SHISA9: variants seen among roughly 807,000 people sequenced by gnomAD.
The protein encoded by SHISA9 is shisa family member 9, also known as protein shisa-9.
Under a neutral mutation model 38.0 loss-of-function variants are expected in SHISA9, and 13 were observed. The ratio of observed to expected loss-of-function variants is 0.34; its 90% CI spans 0.22 to 0.54. The LOEUF is 0.54. SHISA9 is among the 20% of genes least tolerant of loss of function. The probability of loss-of-function intolerance (pLI) is 0.91; values close to 1 mark genes in which losing one functional copy is unlikely to be tolerated. For missense variants in SHISA9, 538 were observed against 575.8 expected, an observed-to-expected ratio of 0.93 and a Z score of 0.67; for synonymous variants, 275 against 242.0, an observed-to-expected ratio of 1.14 and a Z score of -1.27.
chr16:13,314,868 T>A, the SHISA9 span, among the ~76,000 whole-genome samples: 1 of 152,178 alleles, frequency 6.6e-6, no homozygotes, highest in Non-Finnish European at 1.5e-5. Context: ...AATTTTCAAT[T>A]ATGCAGGATG....
rs188464452 is a variant in SHISA9, at chr16:13,113,534, G to A, written c.692-89860G>A. 3.3e-3 allele frequency among the ~76,000 whole-genome samples: 499 copies of A among 152,298 alleles called. 3 individuals carry two copies. Among genetic ancestry groups the A allele is most frequent in the Non-Finnish European group, 3.0e-3 (203 of 68,024 alleles). Reference sequence around the variant, plus strand: ...TGAATTAATTGGCAGCCTTCTTCAGGACTTGGCACTAATCGGACAGAAATA... The same window carrying A: ...TGAATTAATTGGCAGCCTTCTTCAGAACTTGGCACTAATCGGACAGAAATA... On this transcript the variant is annotated intron_variant, in intron 2 of 4. Transcript: ENST00000558583.
chr16:13,242,760 G>A (rs2051444412), downstream of SHISA9, among the ~76,000 whole-genome samples: 1 of 152,080 alleles, frequency 6.6e-6, no homozygotes, highest in Admixed American at 6.5e-5. Flanking sequence ...TCTTCTTCCT[G>A]ATCACCACGA....
intron 2 of SHISA9, among the ~76,000 whole-genome samples, chr16:13,162,703 G>A (rs1158609631): frequency 6.6e-6 from 1 of 152,130 alleles, no homozygotes; most frequent in Non-Finnish European, 1.5e-5. Context: ...TTATCAAACA[G>A]GTGTATGGAT....
the SHISA9 span, among the ~76,000 whole-genome samples, chr16:13,315,391 C>G: frequency 6.6e-6 from 1 of 152,224 alleles, no homozygotes; most frequent in Non-Finnish European, 1.5e-5. Flanking sequence ...GAAGCTGTCA[C>G]TACAGTACCC....
intron 2 of SHISA9, among the ~76,000 whole-genome samples, chr16:12,972,182 T>G (rs562347136): frequency 6.6e-6 from 1 of 151,902 alleles, no homozygotes; most frequent in Non-Finnish European, 1.5e-5. Context: ...TTGTAAGCAC[T>G]CACATTTAAA....
At chr16:13,464,492 A>AT in the SHISA9 span, among the ~76,000 whole-genome samples, 1 of 152,164 alleles carries the variant, frequency 6.6e-6, no homozygotes, top group South Asian at 2.1e-4. Context: ...TTGAATGTGT[A>AT]TTTTGATTTT....
the SHISA9 span, among the ~76,000 whole-genome samples, chr16:13,268,138 A>G: frequency 6.6e-6 from 1 of 151,822 alleles, no homozygotes; most frequent in African/African-American, 2.4e-5. Flanking sequence ...GATCAAATCA[A>G]TGTTTTTGTG....
intron 3 of SHISA9, among the ~76,000 whole-genome samples, chr16:13,209,259 C>T (rs775357535): frequency 3.3e-5 from 5 of 152,088 alleles, no homozygotes; most frequent in African/African-American, 4.8e-5. Flanking sequence ...ACGCTGGTAC[C>T]TGGATTAACA....
intron 2 of SHISA9, among the ~76,000 whole-genome samples, chr16:13,017,106 G>A (rs542653936): frequency 2.6e-5 from 4 of 151,048 alleles, no homozygotes; most frequent in South Asian, 4.2e-4. Flanking sequence ...TGCAACCTCC[G>A]TCTCCTAGGT....
intron 2 of SHISA9, among the ~76,000 whole-genome samples, chr16:13,027,635 A>C (rs1242737762): frequency 1.3e-5 from 2 of 152,188 alleles, no homozygotes; most frequent in African/African-American, 2.4e-5. Context: ...ATTGATTCAC[A>C]CAAAACATGG....
chr16:13,423,903 C>G, the SHISA9 span, among the ~76,000 whole-genome samples: 2 of 152,214 alleles, frequency 1.3e-5, no homozygotes, highest in African/African-American at 4.8e-5. Context: ...ACCCCATTAT[C>G]AAGCCAACAA....
In SHISA9 at chr16:13,235,206, C is replaced by T; in HGVS notation, c.1072C>T (p.His358Tyr). The T allele has an allele frequency of 6.4e-7, 1 of 1,551,820 alleles. No homozygotes were observed. Among genetic ancestry groups the T allele is most frequent in the Non-Finnish European group, 8.7e-7 (1 of 1,147,020 alleles). ...GTCCCGCACCAACAAGATGCCCCCA[C>T]ATCCCCTGGCCTACACCTCTACCAC... ...QKSRTNKMPPHPLAYTSTTNF... is the reference protein window; with the variant it reads ...QKSRTNKMPPYPLAYTSTTNF... Residue 358 changes from histidine to tyrosine, a missense_variant, in exon 5 of 5, where the codon CAT becomes TAT. Around this residue, in one of 4 missense-constraint regions of SHISA9, gnomAD observed 326 missense variants for 305.9 expected, o/e 1.07. Coordinates refer to ENST00000558583, the MANE Select transcript of SHISA9 (RefSeq NM_001145204.3).
the SHISA9 span, among the ~76,000 whole-genome samples, chr16:13,278,372 G>A: frequency 6.6e-6 from 1 of 151,906 alleles, no homozygotes; most frequent in Non-Finnish European, 1.5e-5. Flanking sequence ...TCGGTCTGTA[G>A]TTTTCTCCTT....
At chr16:13,293,455 G>A in the SHISA9 span, among the ~76,000 whole-genome samples, 1 of 152,080 alleles carries the variant, frequency 6.6e-6, no homozygotes, top group Non-Finnish European at 1.5e-5. Flanking sequence ...AGACATCCTG[G>A]GTTTGAATCT....
At chr16:13,313,687 A>G in the SHISA9 span, among the ~76,000 whole-genome samples, 3 of 152,250 alleles carry the variant, frequency 2.0e-5, no homozygotes, top group Non-Finnish European at 2.9e-5. Context: ...TGAAGTGGAA[A>G]GGCTTGTAAC....
At chr16:13,291,257 C>T in the SHISA9 span, among the ~76,000 whole-genome samples, 2 of 152,142 alleles carry the variant, frequency 1.3e-5, no homozygotes, top group Non-Finnish European at 2.9e-5. Flanking sequence ...ATCACTTCCA[C>T]CATTTTTTAT....
At chr16:12,961,771 A>T (rs1345757410) in intron 2 of SHISA9, among the ~76,000 whole-genome samples, 1 of 151,520 alleles carries the variant, frequency 6.6e-6, no homozygotes, top group Non-Finnish European at 1.5e-5. Flanking sequence ...ATTTCCCTCC[A>T]ATCAGCTCTC....
At chr16:13,368,125 C>G in the SHISA9 span, among the ~76,000 whole-genome samples, 1 of 152,080 alleles carries the variant, frequency 6.6e-6, no homozygotes, top group African/African-American at 2.4e-5. Flanking sequence ...GGTCAATCAA[C>G]CAGCCCTTAA....
At chr16:13,063,094 C>G (rs1215355506) in intron 2 of SHISA9, among the ~76,000 whole-genome samples, 1 of 138,794 alleles carries the variant, frequency 7.2e-6, no homozygotes, top group African/African-American at 2.7e-5. Context: ...GCAACCTCAG[C>G]CTCCCGGGAT....
Sources: gnomAD v4.1 joint callset for allele counts (sites outside exome capture counted in the v4.1 genomes callset) on GRCh38, gnomAD v4.1.1 for gene constraint, gnomAD v4.1.1 regional missense constraint, MANE v1.5 for transcripts, NCBI Gene and HGNC (gene_info 2026-07-23, HGNC 2026-07-21) for gene names.